The following GLIS2 variants were observed in gnomAD, a reference collection of about 807,000 sequenced individuals.
GLIS2 encodes the protein zinc finger protein GLIS2.
Under a neutral mutation model 35.6 loss-of-function variants are expected in GLIS2, and 14 were observed. The observed-to-expected ratio is 0.39, with a 90% confidence interval of 0.26 to 0.61. GLIS2 has a LOEUF of 0.61. Ranked by LOEUF, GLIS2 falls within the 20% of genes least tolerant of loss-of-function variation. GLIS2 has a pLI of 0.48. For missense variants in GLIS2, 675 were observed against 713.4 expected (o/e 0.95, Z 0.61); for synonymous variants, 368 against 325.1 (o/e 1.13, Z -1.42).
Position 4,338,471 on chromosome 16 carries a change from G to T in GLIS2, c.*947G>T, listed in dbSNP as rs549167222. 1 of 152,860 alleles carries T rather than the reference G, an allele frequency of 6.5e-6. No homozygotes were observed. Among genetic ancestry groups the T allele is most frequent in the Non-Finnish European group, 1.5e-5 (1 of 68,552 alleles). The allele number at this position is 152,860 out of a possible 1,614,324, so 9.5% of individuals were successfully genotyped here. A position where few individuals can be genotyped will look rare whatever the true frequency, so the allele number is the denominator to read the frequency against. On this transcript the variant is annotated 3_prime_UTR_variant, in exon 7 of 7. Coordinates refer to ENST00000433375, the MANE Select transcript of GLIS2 (RefSeq NM_032575.3). ...GGGTCCTTGGTCCTGTAACAGGAAG[G>T]GGGAGGCTGGCTGGGGACGACCGAC...
At position 4,337,606 on chromosome 16, in the gene GLIS2, G is replaced by C. The variant is rs1459241135; in HGVS notation, c.*82G>C. The C allele has an allele frequency of 6.6e-7, 1 of 1,523,992 alleles. No individual in the cohort carries two copies. Among genetic ancestry groups the C allele is most frequent in the Non-Finnish European group, 8.8e-7 (1 of 1,137,196 alleles). 94.4% of individuals were successfully genotyped at this position (1,523,992 alleles called of 1,614,324 possible). The stretch of plus-strand genomic sequence containing the variant: ...CGAACGGAAACTCTTCTGTGAAATA[G>C]CAATAATGTCCTACTGCCCGGGCAG... On this transcript the variant is annotated 3_prime_UTR_variant, in exon 7 of 7. Transcript: ENST00000433375.
In GLIS2 at chr16:4,336,777, C is replaced by T; in HGVS notation, c.828C>T (p.Asn276=). The T allele has an allele frequency of 1.2e-6, 2 of 1,611,174 alleles. No homozygotes were observed. Among genetic ancestry groups the T allele is most frequent in the Non-Finnish European group, 1.7e-6 (2 of 1,178,972 alleles). The change falls in exon 7 of 7, where the codon AAC becomes AAT. Residue 276 remains asparagine, a synonymous_variant. Coordinates refer to ENST00000433375, the MANE Select transcript of GLIS2 (RefSeq NM_032575.3). ...PYEGCNKRYS[N]SSDRFKHTRT... The stretch of plus-strand genomic sequence containing the variant: ...AGGGCTGCAACAAGCGCTATTCCAA[C>T]TCCAGTGACCGCTTTAAGCACACGC...
chr16:4,318,529 A>G (rs898478054), intron 1 of GLIS2, among the ~76,000 whole-genome samples: 4 of 152,194 alleles, frequency 2.6e-5, no homozygotes, highest in Non-Finnish European at 4.4e-5. Context: ...CCCAGCTGCA[A>G]CTGGGTAGCC....
chr16:4,318,079 G>A (rs1436468711), intron 1 of GLIS2, among the ~76,000 whole-genome samples: 1 of 152,164 alleles, frequency 6.6e-6, no homozygotes, highest in African/African-American at 2.4e-5. Context: ...TGGGGAGGGG[G>A]TGCCCTGGGA....
At chr16:4,331,064 C>T (rs574821501) in intron 1 of GLIS2, among the ~76,000 whole-genome samples, 11 of 152,228 alleles carry the variant, frequency 7.2e-5, no homozygotes, top group East Asian at 1.9e-4. Context: ...GCAAGCTCTG[C>T]GTCCCGGGTT....
chr16:4,337,509 G>A lies in GLIS2; in HGVS notation c.1560G>A (p.Pro520=), dbSNP rs759274279. ...VIPPGSVLLK[P]AVVN is the part of the protein sequence containing the mutation. The stretch of plus-strand genomic sequence containing the variant: ...CGCCGGGCTCGGTGCTGCTCAAACC[G>A]GCTGTGGTGAACTGAGCCCATCCTG... The change falls in exon 7 of 7, where the codon CCG becomes CCA. Residue 520 remains proline, a synonymous_variant. Coordinates refer to ENST00000433375, the MANE Select transcript of GLIS2 (RefSeq NM_032575.3). 41 of 1,560,656 alleles carry A rather than the reference G, an allele frequency of 2.6e-5. No homozygotes were observed. The highest frequency in any genetic ancestry group is 5.4e-5 in the African/African-American group (4 of 74,226).
In GLIS2 at chr16:4,337,938, C is replaced by T. The variant is rs976852785; in HGVS notation, c.*414C>T. ...CTGCCCTCCCTGCTAGCACCAGGCT[C>T]CCCCTTCCTGAGAGGAGCCCCCAGG... On this transcript the variant is annotated 3_prime_UTR_variant, in exon 7 of 7. Coordinates refer to ENST00000433375, the MANE Select transcript of GLIS2 (RefSeq NM_032575.3). The T allele has an allele frequency of 8.7e-6, 3 of 343,442 alleles. No individual in the cohort carries two copies. Among genetic ancestry groups the T allele is most frequent in the Admixed American group, 8.6e-5 (2 of 23,348 alleles). The allele number at this position is 343,442 out of a possible 1,614,324, so 21.3% of individuals were successfully genotyped here. A position where few individuals can be genotyped will look rare whatever the true frequency, so the allele number is the denominator to read the frequency against.
chr16:4,330,730 T>G (rs535304302), intron 1 of GLIS2, among the ~76,000 whole-genome samples: 2 of 152,344 alleles, frequency 1.3e-5, no homozygotes, highest in Non-Finnish European at 2.9e-5. Context: ...AAAAGGCTGT[T>G]AGGACACGGC....
upstream of GLIS2, chr16:4,315,449 G>A (rs539570835): frequency 6.6e-6 from 1 of 152,388 alleles, no homozygotes; most frequent in Admixed American, 6.5e-5. Context: ...AGGGGGGCCT[G>A]GCCAAGGTGA....
chr16:4,335,374 C>T lies in GLIS2; in HGVS notation c.756C>T (p.Ile252=). The T allele has an allele frequency of 6.2e-7, 1 of 1,613,696 alleles. No individual in the cohort carries two copies. Among genetic ancestry groups the T allele is most frequent in the Non-Finnish European group, 8.5e-7 (1 of 1,180,018 alleles). ...KSFSRLENLK[I]HNRSHTGEKP... is the part of the protein sequence containing the mutation. ...TCTCCCGCCTGGAGAACCTGAAGAT[C>T]CACAACCGGTCGCACACAGGTAAGA... The change falls in exon 6 of 7, where the codon ATC becomes ATT. Residue 252 remains isoleucine, a synonymous_variant. Transcript: ENST00000433375. This position sits in a 1 kb window ranked among gnomAD's most constrained non-coding sequence, Gnocchi z 4.6.
intron 1 of GLIS2, among the ~76,000 whole-genome samples, chr16:4,330,358 T>C (rs1360550568): frequency 6.6e-6 from 1 of 152,220 alleles, no homozygotes; most frequent in African/African-American, 2.4e-5. Context: ...ACTAAAAGAA[T>C]ACCATCTCCA....
rs34543395 is a variant in GLIS2, at chr16:4,332,350, C to A, written c.70C>A (p.Arg24=). ...CAAGCTCCGGGCGGCAAGAGAGAAG[C>A]GGGAGAGGACGCTGGGTGTGGTCCG... ...ITKLRAAREK[R]ERTLGVVRPR... is the part of the protein sequence containing the mutation. The change falls in exon 2 of 7, where the codon CGG becomes AGG. Residue 24 remains arginine (R), a synonymous_variant. Coordinates refer to ENST00000433375, the MANE Select transcript of GLIS2 (RefSeq NM_032575.3). This position sits in a 1 kb window ranked among gnomAD's most constrained non-coding sequence, Gnocchi z 5.4. The A allele has an allele frequency of 0.011, 17,843 of 1,613,142 alleles. 116 individuals carry two copies. The highest frequency in any genetic ancestry group is 0.014 in the Non-Finnish European group (16,093 of 1,180,004).
chr16:4,337,807 G>T lies in GLIS2; in HGVS notation c.*283G>T. 1.8e-6 allele frequency: 1 copy of T among 571,382 alleles called. No individual in the cohort carries two copies. The highest frequency in any genetic ancestry group is 2.0e-5 in the South Asian group (1 of 49,604). 35.4% of individuals were successfully genotyped at this position (571,382 alleles called of 1,614,324 possible). On this transcript the variant is annotated 3_prime_UTR_variant, in exon 7 of 7. Coordinates refer to ENST00000433375, the MANE Select transcript of GLIS2 (RefSeq NM_032575.3). ...CTCAGCTTCTGAGAGGCTTTCCCCT[G>T]CCCGACCTCCTCCCGTTTCCCTCTC...
rs774854372 is a variant in GLIS2, at chr16:4,320,952, G to A, written c.-67+4698G>A. ...CCGAGGGCCTGGAGCCACCAGGCCT[G>A]GCAGATCCTGCCAGTGGGTGTTCCC... is the stretch of plus-strand genomic sequence containing the variant. On this transcript the variant is annotated intron_variant, in intron 1 of 6. Transcript: ENST00000433375. The surrounding 1 kb of genome is among the most constrained non-coding windows in gnomAD (Gnocchi z 5.6). Among the ~76,000 whole-genome samples the A allele has an allele frequency of 6.6e-6, 1 of 152,218 alleles. No homozygotes were observed. The highest frequency in any genetic ancestry group is 1.5e-5 in the Non-Finnish European group (1 of 68,038).
upstream of GLIS2, chr16:4,315,293 C>G (rs1479149318): frequency 6.6e-6 from 1 of 152,236 alleles, no homozygotes; most frequent in Non-Finnish European, 1.5e-5. Context: ...CGCCGGGCCC[C>G]GAAAACTGGT....
chr16:4,317,217 C>T (rs935405442), intron 1 of GLIS2, among the ~76,000 whole-genome samples: 3 of 152,154 alleles, frequency 2.0e-5, no homozygotes, highest in African/African-American at 7.2e-5. Flanking sequence ...CCCTGGGCCC[C>T]CAGCCATCAC....
At chr16:4,316,549 C>G (rs1046498725) in intron 1 of GLIS2, among the ~76,000 whole-genome samples, 14 of 151,890 alleles carry the variant, frequency 9.2e-5, no homozygotes, top group African/African-American at 2.9e-4. Flanking sequence ...GGGGCGGGCG[C>G]AAACTTCAGC....
intron 3 of GLIS2, among the ~76,000 whole-genome samples, chr16:4,333,794 A>C (rs991601667): frequency 6.6e-6 from 1 of 151,824 alleles, no homozygotes; most frequent in Non-Finnish European, 1.5e-5. Flanking sequence ...CTGTGTCCGA[A>C]TCTCTCTCTG....
intron 1 of GLIS2, among the ~76,000 whole-genome samples, chr16:4,318,264 T>C (rs778482186): frequency 6.6e-6 from 1 of 152,062 alleles, no homozygotes; most frequent in Non-Finnish European, 1.5e-5. Context: ...CAGTGGTCCT[T>C]GGGTCAGACT....
Sources: gnomAD v4.1 joint callset for allele counts (sites outside exome capture counted in the v4.1 genomes callset) on GRCh38, gnomAD v4.1.1 for gene constraint, Gnocchi (gnomAD v3.1) non-coding constraint, MANE v1.5 for transcripts, NCBI Gene and HGNC (gene_info 2026-07-23, HGNC 2026-07-21) for gene names.